The following VAV3 variants were observed in gnomAD, a reference collection of about 807,000 sequenced individuals.
The protein encoded by VAV3 is guanine nucleotide exchange factor VAV3.
VAV3 carries 94 observed loss-of-function variants against 131.2 expected under a neutral mutation model. That is an observed-to-expected ratio of 0.72 (90% confidence interval 0.61 to 0.85). VAV3 has a LOEUF of 0.85. Among genes scored for constraint, VAV3 ranks in the 40% least tolerant of loss-of-function variants. The probability of loss-of-function intolerance (pLI) is 0.00; values close to 1 mark genes in which losing one functional copy is unlikely to be tolerated. For synonymous variants in VAV3, 349 were observed against 342.0 expected (o/e 1.02, Z -0.22); for missense variants, 939 against 1,002.7 (o/e 0.94, Z 0.86).
chr1:107,924,359 A>T (rs983239342), intron 1 of VAV3, among the ~76,000 whole-genome samples: 2 of 151,978 alleles, frequency 1.3e-5, no homozygotes, highest in Non-Finnish European at 2.9e-5. Flanking sequence ...TGTCAGCTTG[A>T]TAACAAATTT....
At chr1:107,917,759 A>T (rs989960317) in intron 1 of VAV3, among the ~76,000 whole-genome samples, 14 of 150,644 alleles carry the variant, frequency 9.3e-5, no homozygotes, top group African/African-American at 3.4e-4. Flanking sequence ...CAAATTTTGA[A>T]TTTTTTTTTT....
chr1:107,572,564 A>G lies in VAV3; in HGVS notation c.*767T>C, dbSNP rs758971235. 6.5e-6 allele frequency: 1 copy of G among 152,678 alleles called. No individual in the cohort carries two copies. The highest frequency in any genetic ancestry group is 2.4e-5 in the African/African-American group (1 of 41,462). 9.5% of individuals were successfully genotyped at this position (152,678 alleles called of 1,614,324 possible). ...AGATCCTTTCATAAAGTCAAGTGCT[A>G]TATTTCCAAAATAATCCTATGAAAT... On this transcript the variant is annotated 3_prime_UTR_variant, in exon 27 of 27. Coordinates refer to ENST00000370056, the MANE Select transcript of VAV3 (RefSeq NM_006113.5).
At chr1:107,912,858 C>T (rs1287876563) in intron 1 of VAV3, among the ~76,000 whole-genome samples, 2 of 152,152 alleles carry the variant, frequency 1.3e-5, no homozygotes, top group Admixed American at 6.5e-5. Flanking sequence ...TCTGGTTGAA[C>T]TGAAAGAAAA....
chr1:107,790,934 C>A (rs1055340063), intron 2 of VAV3, among the ~76,000 whole-genome samples: 9 of 152,016 alleles, frequency 5.9e-5, no homozygotes, highest in African/African-American at 2.2e-4. Context: ...GATCTGCCCG[C>A]CTCGGACTCC....
rs1420418598 is a variant in VAV3 at position 107,770,734 on chromosome 1, G to C, written c.556-6C>G. ...ATATCATTTTCTGGACATTTCTGCA[G>C]TTAGAATTATCAAAATAAAATGATT... is the stretch of plus-strand genomic sequence containing the variant. On this transcript the variant is annotated splice_polypyrimidine_tract_variant and splice_region_variant and intron_variant, in intron 5 of 26. Coordinates refer to ENST00000370056, the MANE Select transcript of VAV3 (RefSeq NM_006113.5). 10 of 1,596,856 alleles carry C rather than the reference G, an allele frequency of 6.3e-6. No homozygotes were observed. Among genetic ancestry groups the C allele is most frequent in the Non-Finnish European group, 8.5e-6 (10 of 1,170,582 alleles).
chr1:107,865,054 T>C (rs967419451), intron 2 of VAV3, among the ~76,000 whole-genome samples: 2 of 152,206 alleles, frequency 1.3e-5, no homozygotes, highest in African/African-American at 4.8e-5. Context: ...CACAATTCCA[T>C]GCAGTAGGGA....
At chr1:107,947,904 G>C (rs1236278942) in intron 1 of VAV3, among the ~76,000 whole-genome samples, 1 of 152,132 alleles carries the variant, frequency 6.6e-6, no homozygotes, top group East Asian at 1.9e-4. Flanking sequence ...CAAACAAATG[G>C]TCCCTAATTT....
At chr1:107,857,189 C>A (rs1669514778) in intron 2 of VAV3, among the ~76,000 whole-genome samples, 1 of 152,118 alleles carries the variant, frequency 6.6e-6, no homozygotes, top group Non-Finnish European at 1.5e-5. Context: ...TAATCAGCTG[C>A]CAGCATGGCC....
At chr1:107,704,799 G>A in intron 16 of VAV3, 149 bp from the exon 17 acceptor site, 1 of 993,812 alleles carries the variant, frequency 1.0e-6, no homozygotes, top group Non-Finnish European at 1.5e-6. Flanking sequence ...GCTTCTGAAA[G>A]GACTGTCCAG....
chr1:107,826,808 G>C (rs929617399), intron 2 of VAV3, among the ~76,000 whole-genome samples: 1 of 152,072 alleles, frequency 6.6e-6, no homozygotes, highest in Admixed American at 6.6e-5. Context: ...TCTGAAACCA[G>C]TATTAATGTA....
At chr1:107,891,124 C>T (rs953057387) in intron 1 of VAV3, among the ~76,000 whole-genome samples, 5 of 148,650 alleles carry the variant, frequency 3.4e-5, no homozygotes, top group African/African-American at 1.3e-4. Context: ...TGTCCTACCA[C>T]AATTATTGCT....
chr1:107,959,638 G>A (rs1233030554), intron 1 of VAV3, among the ~76,000 whole-genome samples: 1 of 152,112 alleles, frequency 6.6e-6, no homozygotes, highest in Non-Finnish European at 1.5e-5. Context: ...CTCGAGAACA[G>A]GCATGCTCCA....
At chr1:107,681,836 A>AT (rs1658644091) in intron 19 of VAV3, among the ~76,000 whole-genome samples, 1 of 151,288 alleles carries the variant, frequency 6.6e-6, no homozygotes, top group Non-Finnish European at 1.5e-5. Flanking sequence ...TTTTGCTTGT[A>AT]TTTTTAGTAG....
chr1:107,680,218 T>C (rs1658506707), intron 19 of VAV3, among the ~76,000 whole-genome samples: 1 of 147,584 alleles, frequency 6.8e-6, no homozygotes, highest in South Asian at 2.1e-4. Context: ...CAAACACTAA[T>C]AATTTCACCA....
Position 107,964,855 on chromosome 1 carries a change from C to G in VAV3, c.15G>C (p.Lys5Asn). The change falls in exon 1 of 27, where the codon AAG (lysine) becomes AAC (asparagine). Residue 5 changes from lysine to asparagine, a missense_variant. Transcript: ENST00000370056. MEPW[K>N]QCAQWLIHCK... ...AATGGATGAGCCACTGCGCGCACTG[C>G]TTCCACGGCTCCATGCCCGACGGCT... is the stretch of plus-strand genomic sequence containing the variant. 6.2e-7 allele frequency: 1 copy of G among 1,603,340 alleles called. No homozygotes were observed. Among genetic ancestry groups the G allele is most frequent in the Non-Finnish European group, 8.5e-7 (1 of 1,174,836 alleles).
chr1:107,849,520 A>T (rs1462239571), intron 2 of VAV3, among the ~76,000 whole-genome samples: 2 of 152,188 alleles, frequency 1.3e-5, no homozygotes, highest in Non-Finnish European at 1.5e-5. Context: ...AAAACTGGCT[A>T]ACCATATGCA....
chr1:107,788,085 G>A (rs1259172894), intron 2 of VAV3, among the ~76,000 whole-genome samples: 1 of 151,956 alleles, frequency 6.6e-6, no homozygotes, highest in Non-Finnish European at 1.5e-5. Flanking sequence ...CTCCTCCCAT[G>A]CCTCTGCTAT....
At chr1:107,640,600 T>G (rs1655270828) in intron 20 of VAV3, among the ~76,000 whole-genome samples, 1 of 152,216 alleles carries the variant, frequency 6.6e-6, no homozygotes, top group Non-Finnish European at 1.5e-5. Context: ...TGTACGTATG[T>G]GTGTGTTCAA....
chr1:107,828,390 G>A (rs1196664714), intron 2 of VAV3, among the ~76,000 whole-genome samples: 1 of 152,128 alleles, frequency 6.6e-6, no homozygotes, highest in Non-Finnish European at 1.5e-5. Context: ...TTTCTATACT[G>A]CTGTAACAAA....
Sources: gnomAD v4.1 joint callset for allele counts (sites outside exome capture counted in the v4.1 genomes callset) on GRCh38, gnomAD v4.1.1 for gene constraint, MANE v1.5 for transcripts, NCBI Gene and HGNC (gene_info 2026-07-23, HGNC 2026-07-21) for gene names.